Variants in JARID2 observed in about 807,000 individuals in gnomAD.
JARID2 encodes jumonji and AT-rich interaction domain containing 2, also known as protein Jumonji.
In JARID2, 21 loss-of-function variants were observed where a neutral mutation model predicts 125.6. That is an observed-to-expected ratio of 0.17 (90% CI 0.12 to 0.24). The LOEUF (loss-of-function observed/expected upper bound fraction) is 0.24. JARID2 is among the 10% of genes least tolerant of loss of function. The pLI is 1.00. For synonymous variants in JARID2, 736 were observed against 661.6 expected (o/e 1.11, Z -1.73); for missense variants, 1,303 against 1,639.6 (o/e 0.79, Z 3.55).
At chr6:15,330,976 C>G (rs141284316) in intron 1 of JARID2, among the ~76,000 whole-genome samples, 120 of 152,200 alleles carry the variant, frequency 7.9e-4, no homozygotes, top group African/African-American at 2.7e-3. Context: ...TCCTTAAGTA[C>G]AAGGACATCT....
chr6:15,484,722 A>C (rs919473570), intron 5 of JARID2, among the ~76,000 whole-genome samples: 45 of 152,252 alleles, frequency 3.0e-4, no homozygotes, highest in African/African-American at 1.0e-3. Flanking sequence ...CGGGAAACCC[A>C]TATAGTAATA....
At chr6:15,324,408 A>G (rs1332929992) in intron 1 of JARID2, 1 of 152,060 alleles carries the variant, frequency 6.6e-6, no homozygotes, top group Non-Finnish European at 1.5e-5. Context: ...TCATCTTTAT[A>G]CGGGGGCCGT....
In JARID2 at chr6:15,290,444, A is replaced by G. The variant is rs377712125; in HGVS notation, c.45+43860A>G. Among the ~76,000 whole-genome samples the G allele has an allele frequency of 1.3e-3, 198 of 152,296 alleles. 9 individuals carry two copies. The South Asian group carries it at 0.036, about 27-fold the overall frequency. ...CATAAAGTAGTCTTTGTTGAGGATT[A>G]TAAGAAACTGCCACACTTCTCCAAT... On this transcript the variant is annotated intron_variant, in intron 1 of 17. Coordinates refer to ENST00000341776, the MANE Select transcript of JARID2 (RefSeq NM_004973.4).
intron 6 of JARID2, among the ~76,000 whole-genome samples, chr6:15,490,644 C>G (rs1392186654): frequency 2.0e-5 from 3 of 152,136 alleles, no homozygotes; most frequent in Non-Finnish European, 2.9e-5. Flanking sequence ...TGGGAGTGCC[C>G]CTGGGTAATA....
At chr6:15,404,138 A>G (rs1765551731) in intron 2 of JARID2, among the ~76,000 whole-genome samples, 1 of 152,140 alleles carries the variant, frequency 6.6e-6, no homozygotes, top group Non-Finnish European at 1.5e-5. Flanking sequence ...TCTCAGTCAC[A>G]CCAGTGTGTT....
chr6:15,476,910 A>C (rs1769368642), intron 5 of JARID2, among the ~76,000 whole-genome samples: 2 of 152,182 alleles, frequency 1.3e-5, no homozygotes, highest in African/African-American at 4.8e-5. Context: ...GGTAGACTAG[A>C]GGAATTAATA....
chr6:15,372,628 A>G (rs1764213240), intron 1 of JARID2, among the ~76,000 whole-genome samples: 1 of 152,274 alleles, frequency 6.6e-6, no homozygotes, highest in Admixed American at 6.5e-5. Context: ...TGCTGGGATT[A>G]CAGGCATGAG....
intron 5 of JARID2, among the ~76,000 whole-genome samples, chr6:15,472,511 A>G (rs949077636): frequency 1.8e-4 from 28 of 151,416 alleles, no homozygotes; most frequent in Middle Eastern, 3.4e-3. Context: ...CCTGCCCCCA[A>G]CCTCCAAGTG....
At chr6:15,255,085 C>G (rs1417222412) in intron 1 of JARID2, among the ~76,000 whole-genome samples, 1 of 151,100 alleles carries the variant, frequency 6.6e-6, no homozygotes, top group Non-Finnish European at 1.5e-5. Flanking sequence ...AGTTTTGCCC[C>G]TCCATACTCC....
At chr6:15,501,891 C>T (rs1453975755) in intron 8 of JARID2, among the ~76,000 whole-genome samples, 4 of 152,204 alleles carry the variant, frequency 2.6e-5, no homozygotes, top group East Asian at 3.8e-4. Context: ...TCTCCAGTTC[C>T]GTTTCATCCT....
intron 3 of JARID2, among the ~76,000 whole-genome samples, chr6:15,427,869 G>C (rs1248611497): frequency 6.6e-6 from 1 of 152,054 alleles, no homozygotes. Flanking sequence ...GCTTATATGG[G>C]GTTGTTAGAC....
At chr6:15,369,334 A>G (rs868476964) in intron 1 of JARID2, 1 of 462,086 alleles carries the variant, frequency 2.2e-6, no homozygotes, top group Middle Eastern at 3.9e-4. Context: ...ATGACCATAT[A>G]CAAGTTTGAT....
intron 1 of JARID2, among the ~76,000 whole-genome samples, chr6:15,277,778 C>CA (rs541398012): frequency 0.029 from 2,425 of 83,498 alleles, 50 homozygotes; most frequent in African/African-American, 0.084. Flanking sequence ...GCCAAGTCTG[C>CA]AAAAAAAAAA....
chr6:15,252,939 T>C lies in JARID2; in HGVS notation c.45+6355T>C, dbSNP rs984779249. 3.9e-5 allele frequency among the ~76,000 whole-genome samples: 6 copies of C among 152,252 alleles called. 1 individual carries two copies. Among genetic ancestry groups the C allele is most frequent in the Admixed American group, 6.5e-5 (1 of 15,282 alleles). On this transcript the variant is annotated intron_variant, in intron 1 of 17. Transcript: ENST00000341776. Reference sequence around the variant, plus strand: ...TCTAGGAGGTGAGAACTCCGTGGTATCTGTCTACATTTTTGTAGAAGAAGA... The same window carrying C: ...TCTAGGAGGTGAGAACTCCGTGGTACCTGTCTACATTTTTGTAGAAGAAGA...
At position 15,403,801 on chromosome 6, in the gene JARID2, C is replaced by A. The variant is rs533629641; in HGVS notation, c.182-6423C>A. 2.1e-4 allele frequency among the ~76,000 whole-genome samples: 32 copies of A among 152,238 alleles called. No homozygotes were observed. In the South Asian group the frequency reaches 6.6e-3, roughly 32 times the overall value. On this transcript the variant is annotated intron_variant, in intron 2 of 17. Coordinates refer to ENST00000341776, the MANE Select transcript of JARID2 (RefSeq NM_004973.4). ...TTGTTGATTTACAAATCAGTATTTA[C>A]ATCTGTTTTTGCAGGGGTTAAATAT...
At chr6:15,334,920 T>C (rs1762827791) in intron 1 of JARID2, among the ~76,000 whole-genome samples, 1 of 152,190 alleles carries the variant, frequency 6.6e-6, no homozygotes, top group Non-Finnish European at 1.5e-5. Context: ...CAAAAATTAG[T>C]GGTATTAAAC....
intron 1 of JARID2, among the ~76,000 whole-genome samples, chr6:15,336,107 G>A (rs950210070): frequency 7.3e-5 from 11 of 150,750 alleles, no homozygotes; most frequent in Admixed American, 2.6e-4. Flanking sequence ...ATGAATGAAT[G>A]AATGAATGAA....
chr6:15,378,195 T>C (rs1180164270), intron 2 of JARID2, among the ~76,000 whole-genome samples: 2 of 96,276 alleles, frequency 2.1e-5, no homozygotes, highest in Admixed American at 2.2e-4. Context: ...CCCTCAATTT[T>C]TAATTTTTTT....
Position 15,297,866 on chromosome 6 carries a change from C to G in JARID2, c.45+51282C>G, listed in dbSNP as rs144383330. On this transcript the variant is annotated intron_variant, in intron 1 of 17. Transcript: ENST00000341776. ...CTACAAATGTAAAATGTTATTTTTA[C>G]TGTTGAAAATCAGCATATGTGTAGT... Among the ~76,000 whole-genome samples the G allele has an allele frequency of 2.6e-5, 4 of 151,412 alleles. No homozygotes were observed. The East Asian group carries it at 7.8e-4, about 29-fold the overall frequency.
Sources: allele counts gnomAD v4.1 joint callset (sites outside exome capture counted in the v4.1 genomes callset), GRCh38; gene constraint gnomAD v4.1.1; transcripts MANE v1.5; gene names NCBI Gene and HGNC (gene_info 2026-07-23, HGNC 2026-07-21).